Variants in NUMB observed in about 807,000 individuals in gnomAD.
NUMB encodes NUMB endocytic adaptor protein.
NUMB carries 29 observed loss-of-function variants against 59.7 expected under a neutral mutation model. The observed-to-expected ratio is 0.49, with a 90% CI of 0.36 to 0.66. The LOEUF (loss-of-function observed/expected upper bound fraction) is 0.66, where lower values mean the gene tolerates loss of function less well. Ranked by LOEUF, NUMB falls within the 30% of genes least tolerant of loss-of-function variation. NUMB has a pLI of 0.00. For synonymous variants in NUMB, 288 were observed against 288.2 expected, an observed-to-expected ratio of 1.00 and a Z score of 0.01; for missense variants, 723 against 822.0, an observed-to-expected ratio of 0.88 and a Z score of 1.47.
chr14:73,323,298 A>T, intron 4 of NUMB, 94 bp from the exon 5 acceptor site: 1 of 790,368 alleles, frequency 1.3e-6, no homozygotes, highest in Non-Finnish European at 2.0e-6. Flanking sequence ...CAGGTTGAAC[A>T]TTCCAAATCT....
Position 73,352,459 on chromosome 14 carries a change from TACACACACACACACACAC to T in NUMB, c.126+3149_126+3166del, listed in dbSNP as rs60134093. On this transcript the variant is annotated intron_variant, in intron 4 of 12. Coordinates refer to ENST00000555238, the MANE Select transcript of NUMB (RefSeq NM_001005743.2). ...ACACACACACACACACACACACACA[TACACACACACACACACAC>T]ATATATATATATATATATATATATA... Among the ~76,000 whole-genome samples, 116 of 19,430 alleles carry T rather than the reference TACACACACACACACACAC, an allele frequency of 6.0e-3. 2 individuals carry two copies. Among genetic ancestry groups the T allele is most frequent in the Middle Eastern group, 0.062 (1 of 16 alleles). 12.7% of individuals were successfully genotyped at this position (19,430 alleles called of 152,430 possible).
chr14:73,437,041 C>CTT (rs71112755), intron 1 of NUMB, among the ~76,000 whole-genome samples: 1,822 of 106,622 alleles, frequency 0.017, 67 homozygotes, highest in African/African-American at 0.043. Flanking sequence ...TTTTCTCTCT[C>CTT]TTTTTTTTTT....
At chr14:73,401,786 G>A (rs1896429959) in intron 2 of NUMB, among the ~76,000 whole-genome samples, 1 of 151,958 alleles carries the variant, frequency 6.6e-6, no homozygotes, top group South Asian at 2.1e-4. Context: ...AGCCAGGATG[G>A]TCTCGATCTC....
chr14:73,414,432 C>T (rs566627632), intron 1 of NUMB, among the ~76,000 whole-genome samples: 273 of 152,280 alleles, frequency 1.8e-3, no homozygotes, highest in Non-Finnish European at 2.9e-3. Flanking sequence ...CTCACTCTGT[C>T]GCTCTGGCTG....
At position 73,286,024 on chromosome 14, in the gene NUMB, A is replaced by G. The variant is rs529184764; in HGVS notation, c.655+1086T>C. On this transcript the variant is annotated intron_variant, in intron 9 of 12. Coordinates refer to ENST00000555238, the MANE Select transcript of NUMB (RefSeq NM_001005743.2). ...TAGTAAAAAAAATTATCATATATATATATTTGTTTGTTTTTAAGAGACAGG... is the reference window on the plus strand; with the variant it reads ...TAGTAAAAAAAATTATCATATATATGTATTTGTTTGTTTTTAAGAGACAGG... Among the ~76,000 whole-genome samples the G allele has an allele frequency of 6.0e-5, 9 of 151,222 alleles. No individual in the cohort carries two copies. The South Asian group carries it at 1.5e-3, about 24-fold the overall frequency.
At chr14:73,288,466 G>C (rs1360130156) in intron 8 of NUMB, among the ~76,000 whole-genome samples, 1 of 152,106 alleles carries the variant, frequency 6.6e-6, no homozygotes, top group African/African-American at 2.4e-5. Flanking sequence ...CAGGAGAATT[G>C]CTTGAAGTCG....
intron 4 of NUMB, among the ~76,000 whole-genome samples, chr14:73,352,047 G>A (rs1399998902): frequency 6.6e-6 from 1 of 151,894 alleles, no homozygotes; most frequent in Non-Finnish European, 1.5e-5. Flanking sequence ...TATGTTATAT[G>A]TACTCTACCT....
At chr14:73,414,827 C>G (rs1245851303) in intron 1 of NUMB, among the ~76,000 whole-genome samples, 1 of 152,162 alleles carries the variant, frequency 6.6e-6, no homozygotes, top group East Asian at 1.9e-4. Context: ...TCACGCTATT[C>G]TCCTGCCTCA....
At chr14:73,300,113 T>C (rs535319417) in intron 6 of NUMB, among the ~76,000 whole-genome samples, 13 of 152,290 alleles carry the variant, frequency 8.5e-5, no homozygotes, top group Admixed American at 3.3e-4. Context: ...AAAAGAGTGA[T>C]ATACATTTTC....
At chr14:73,395,421 G>A (rs1896086836) in intron 2 of NUMB, among the ~76,000 whole-genome samples, 1 of 151,986 alleles carries the variant, frequency 6.6e-6, no homozygotes, top group Non-Finnish European at 1.5e-5. Flanking sequence ...CCAGGAGTTT[G>A]AGACCAGCCT....
At chr14:73,423,729 G>C (rs1897457343) in intron 1 of NUMB, among the ~76,000 whole-genome samples, 1 of 152,078 alleles carries the variant, frequency 6.6e-6, no homozygotes, top group Non-Finnish European at 1.5e-5. Context: ...AGAATGGCTT[G>C]AATCCAGGAG....
intron 1 of NUMB, among the ~76,000 whole-genome samples, chr14:73,438,409 T>A (rs1394783378): frequency 6.6e-6 from 1 of 152,104 alleles, no homozygotes; most frequent in African/African-American, 2.4e-5. Flanking sequence ...GGCAGGTGGA[T>A]CACTTGGGGT....
chr14:73,335,542 C>G (rs1892264383), intron 4 of NUMB, among the ~76,000 whole-genome samples: 1 of 152,138 alleles, frequency 6.6e-6, no homozygotes, highest in Non-Finnish European at 1.5e-5. Flanking sequence ...ACTGGGACTT[C>G]TTTTGTTTGT....
At position 73,282,448 on chromosome 14, in the gene NUMB, T is replaced by C. The variant is rs143935866; in HGVS notation, c.1007A>G (p.Asn336Ser). 1.6e-4 allele frequency: 261 copies of C among 1,614,182 alleles called. 1 individual carries two copies. In the African/African-American group the frequency reaches 3.2e-3, roughly 20 times the overall value. ...GGGGTCCTCAGGTGTGCTGAAGGCA[T>C]TGGTGATCTGTGAGCACAGGGAGCT... ...SISSLCSQIT[N>S]AFSTPEDPFS... The change falls in exon 11 of 13, where the codon AAT becomes AGT. Residue 336 changes from asparagine (N) to serine (S), a missense_variant. By Grantham distance (46) the Asn-to-Ser change is conservative (BLOSUM62 1). Transcript: ENST00000555238.
At chr14:73,281,651 G>T (rs529402830) in intron 11 of NUMB, 1 of 152,328 alleles carries the variant, frequency 6.6e-6, no homozygotes, top group African/African-American at 2.4e-5. Flanking sequence ...TATTTAGTCA[G>T]TATCTCTGAA....
intron 5 of NUMB, among the ~76,000 whole-genome samples, chr14:73,317,555 G>A (rs778398092): frequency 6.6e-6 from 1 of 152,208 alleles, no homozygotes; most frequent in Non-Finnish European, 1.5e-5. Context: ...ACCTGCCTAA[G>A]CCTCCTAAAG....
rs532363106 is a variant in NUMB, at chr14:73,420,640, C to G, written c.-232-10572G>C. ...TTTGAGACTAGCTTGCTTGACGTGGCAAAACCTTGTCTCTACGAAATATAC... is the reference window on the plus strand; with the variant it reads ...TTTGAGACTAGCTTGCTTGACGTGGGAAAACCTTGTCTCTACGAAATATAC... On this transcript the variant is annotated intron_variant, in intron 1 of 12. Coordinates refer to ENST00000555238, the MANE Select transcript of NUMB (RefSeq NM_001005743.2). Among the ~76,000 whole-genome samples, 5 of 152,198 alleles carry G rather than the reference C, an allele frequency of 3.3e-5. No homozygotes were observed. In the South Asian group the frequency reaches 6.2e-4, roughly 19 times the overall value.
intron 11 of NUMB, among the ~76,000 whole-genome samples, chr14:73,280,054 G>A (rs922592476): frequency 2.0e-5 from 3 of 152,124 alleles, no homozygotes; most frequent in Admixed American, 6.5e-5. Flanking sequence ...CTACTAGGGA[G>A]GCTGAGGCAG....
Position 73,282,365 on chromosome 14 carries a change from A to T in NUMB, c.1090T>A (p.Phe364Ile). 10 of 1,614,124 alleles carry T rather than the reference A, an allele frequency of 6.2e-6. No individual in the cohort carries two copies. Among genetic ancestry groups the T allele is most frequent in the Non-Finnish European group, 7.6e-6 (9 of 1,180,000 alleles). The part of the protein sequence containing the change: ...VTVVAPQSPT[F>I]QANGTDSAFH... ...CAGGTCAGAGGGCACCAACCTTGGA[A>T]GGTAGGAGATTGTGGTGCCACCACT... Residue 364 changes from phenylalanine (F) to isoleucine (I), a missense_variant, in exon 11 of 13, where the codon TTC (phenylalanine) becomes ATC (isoleucine). Physicochemically the swap from Phe to Ile is conservative, Grantham distance 21. Transcript: ENST00000555238.
Sources: gnomAD v4.1 joint callset for allele counts (sites outside exome capture counted in the v4.1 genomes callset) on GRCh38, gnomAD v4.1.1 for gene constraint, MANE v1.5 for transcripts, NCBI Gene and HGNC (gene_info 2026-07-23, HGNC 2026-07-21) for gene names.